The following C12orf76 variants were observed in gnomAD, a reference collection of about 807,000 sequenced individuals.
C12orf76 encodes the protein uncharacterized protein C12orf76.
C12orf76 carries 6 observed loss-of-function variants against 6.8 expected under a neutral mutation model. The observed-to-expected ratio is 0.88, with a 90% CI of 0.48 to 1.73. The LOEUF (loss-of-function observed/expected upper bound fraction) is 1.73. C12orf76 is among the 40% of genes most tolerant of loss of function. C12orf76 has a pLI of 0.01. For synonymous variants in C12orf76, 56 were observed against 43.7 expected (o/e 1.28, Z -1.11); for missense variants, 99 against 98.2 (o/e 1.01, Z -0.03).
At chr12:110,059,953 G>A (rs1009713065) in intron 2 of C12orf76, among the ~76,000 whole-genome samples, 3 of 152,150 alleles carry the variant, frequency 2.0e-5, no homozygotes, top group African/African-American at 7.2e-5. Context: ...CTTTCCTTGT[G>A]GTTACTGCTG....
intron 1 of C12orf76, among the ~76,000 whole-genome samples, chr12:110,046,750 G>T (rs896243522): frequency 6.6e-6 from 1 of 152,198 alleles, no homozygotes; most frequent in Non-Finnish European, 1.5e-5. Flanking sequence ...GAGTAGTACT[G>T]TTCCACAGCA....
Position 110,054,989 on chromosome 12 carries a change from G to T in C12orf76, n.664+2200C>A, listed in dbSNP as rs1892644841. On this transcript the variant is annotated intron_variant and non_coding_transcript_variant, in intron 4 of 4. Coordinates refer to the C12orf76 transcript ENST00000309050. This position sits in a 1 kb window ranked among gnomAD's most constrained non-coding sequence, Gnocchi z 4.4. The stretch of plus-strand genomic sequence containing the variant: ...GCCTGGCTGCAGGGTGTTTATAAAG[G>T]GAAAGGTCAGAGAATGAGATGAAGG... Among the ~76,000 whole-genome samples, 1 of 152,046 alleles carries T rather than the reference G, an allele frequency of 6.6e-6. No homozygotes were observed. The highest frequency in any genetic ancestry group is 2.4e-5 in the African/African-American group (1 of 41,406).
upstream of C12orf76, among the ~76,000 whole-genome samples, chr12:110,051,530 G>A (rs1270550787): frequency 1.3e-5 from 2 of 151,818 alleles, no homozygotes; most frequent in African/African-American, 2.4e-5. Context: ...AGGTTGAAGC[G>A]ATTCTCCTGC....
At position 110,041,278 on chromosome 12, in the gene C12orf76, G is replaced by A. The variant is rs577965874; in HGVS notation, c.*1096C>T. 1.6e-4 allele frequency: 25 copies of A among 152,742 alleles called. No homozygotes were observed. Among genetic ancestry groups the A allele is most frequent in the African/African-American group, 5.8e-4 (24 of 41,574 alleles). 9.5% of individuals were successfully genotyped at this position (152,742 alleles called of 1,614,324 possible). On this transcript the variant is annotated 3_prime_UTR_variant, in exon 2 of 2. Transcript: ENST00000615315. ...AGATTACAAACAAAATCCTTACACA[G>A]TTACAGTATCCTACTTCGGTTACTT...
upstream of C12orf76, among the ~76,000 whole-genome samples, chr12:110,054,235 C>T (rs1385132355): frequency 6.6e-6 from 1 of 152,174 alleles, no homozygotes; most frequent in Non-Finnish European, 1.5e-5. This position sits in a 1 kb window ranked among gnomAD's most constrained non-coding sequence, Gnocchi z 4.4. Context: ...CAAAGCCACA[C>T]CATGTACTCA....
upstream of C12orf76, chr12:110,048,532 G>T (rs1222179990): frequency 5.1e-6 from 7 of 1,377,856 alleles, no homozygotes; most frequent in Non-Finnish European, 6.6e-6. Context: ...GGCCACTTCC[G>T]TCGCAAGCCC....
intron 1 of C12orf76, chr12:110,042,726 A>AG: frequency 1.6e-6 from 1 of 631,288 alleles, no homozygotes; most frequent in Non-Finnish European, 2.9e-6. Context: ...GGCAGCAAGA[A>AG]GGGGGGACAG....
chr12:110,047,574 C>G (rs1384181451), intron 1 of C12orf76, among the ~76,000 whole-genome samples: 2 of 151,184 alleles, frequency 1.3e-5, no homozygotes, highest in African/African-American at 4.9e-5. Flanking sequence ...CAGCTACTCG[C>G]CCGGGATGCT....
chr12:110,070,987 C>A (rs1242923360), upstream of C12orf76, among the ~76,000 whole-genome samples: 1 of 152,176 alleles, frequency 6.6e-6, no homozygotes, highest in African/African-American at 2.4e-5. Context: ...GTTGGCCAGG[C>A]TGGTCTCAAA....
At chr12:110,062,658 C>A (rs1003812693) in intron 2 of C12orf76, among the ~76,000 whole-genome samples, 3 of 150,150 alleles carry the variant, frequency 2.0e-5, no homozygotes, top group Non-Finnish European at 4.4e-5. Context: ...CTCACTCTGT[C>A]GCCTAGGCTG....
upstream of C12orf76, among the ~76,000 whole-genome samples, chr12:110,070,323 G>C (rs543312016): frequency 3.0e-4 from 45 of 152,258 alleles, no homozygotes; most frequent in African/African-American, 1.1e-3. Context: ...CAGCACTTTG[G>C]GAGGCCAAGA....
At chr12:110,048,620 C>A, upstream of C12orf76, 1 of 1,306,384 alleles carries the variant, frequency 7.7e-7, no homozygotes, top group Non-Finnish European at 9.7e-7. Context: ...GGTAACTGTG[C>A]GTCCTGGTCT....
intron 1 of C12orf76, among the ~76,000 whole-genome samples, chr12:110,045,494 G>A (rs1005671717): frequency 5.3e-5 from 8 of 152,082 alleles, no homozygotes; most frequent in African/African-American, 1.4e-4. Context: ...GCTGAGGCAG[G>A]AGAATCACCT....
rs1405204415 is a variant in C12orf76, at chr12:110,046,874, C to T, written c.133+1489G>A. ...TACTGGTATCTAAAGGCTGGGGATG[C>T]CACCAAACTTCTTACAGTGTTTATC... On this transcript the variant is annotated intron_variant, in intron 1 of 1. Transcript: ENST00000615315. Among the ~76,000 whole-genome samples the T allele has an allele frequency of 2.6e-5, 4 of 152,190 alleles. No individual in the cohort carries two copies. The East Asian group carries it at 5.8e-4, about 22-fold the overall frequency.
At chr12:110,060,845 G>T (rs943625320) in intron 2 of C12orf76, among the ~76,000 whole-genome samples, 2 of 152,032 alleles carry the variant, frequency 1.3e-5, no homozygotes, top group African/African-American at 4.8e-5. Context: ...AGACCAGCCT[G>T]CCCAACATGG....
upstream of C12orf76, among the ~76,000 whole-genome samples, chr12:110,069,456 C>A (rs180760422): frequency 6.4e-3 from 978 of 152,188 alleles, 3 homozygotes; most frequent in African/African-American, 0.022. Flanking sequence ...AACAAACAAA[C>A]AAAAAAACCC....
In C12orf76 at chr12:110,054,848, C is replaced by T. The variant is rs746558801; in HGVS notation, n.664+2341G>A. Among the ~76,000 whole-genome samples the T allele has an allele frequency of 5.9e-5, 9 of 152,182 alleles. No individual in the cohort carries two copies. Among genetic ancestry groups the T allele is most frequent in the Admixed American group, 5.9e-4 (9 of 15,278 alleles). ...TCTTGCTGTGTTGCCGAGGCTGGAA[C>T]GCAGTGGCTATTTCACAGGTGCAGT... On this transcript the variant is annotated intron_variant and non_coding_transcript_variant, in intron 4 of 4. Transcript: ENST00000309050. This position sits in a 1 kb window ranked among gnomAD's most constrained non-coding sequence, Gnocchi z 4.4.
At chr12:110,048,676 A>G (rs1375770310), upstream of C12orf76, 2 of 1,261,198 alleles carry the variant, frequency 1.6e-6, no homozygotes, top group East Asian at 3.2e-5. Context: ...ACGTTCCTCA[A>G]TAACTAATGT....
chr12:110,044,025 A>T (rs898589679), intron 1 of C12orf76: 189 of 146,310 alleles, frequency 1.3e-3, no homozygotes, highest in African/African-American at 4.5e-3. Flanking sequence ...AACAAAAAAA[A>T]AAAAATAAAG....
Sources: allele counts gnomAD v4.1 joint callset (sites outside exome capture counted in the v4.1 genomes callset), GRCh38; gene constraint gnomAD v4.1.1; non-coding constraint Gnocchi (gnomAD v3.1); transcripts MANE v1.5; gene names NCBI Gene and HGNC (gene_info 2026-07-23, HGNC 2026-07-21).